Variants in FIGLA observed in about 807,000 individuals in gnomAD.
FIGLA encodes folliculogenesis specific bHLH transcription factor, also known as factor in the germline alpha.
In FIGLA, 17 loss-of-function variants were observed where a neutral mutation model predicts 21.5. The observed-to-expected ratio is 0.79, with a 90% CI of 0.54 to 1.19. The LOEUF is 1.19. Among genes scored for constraint, FIGLA ranks in the 50% most tolerant of loss-of-function variants. FIGLA has a pLI of 0.00. For synonymous variants in FIGLA, 129 were observed against 117.6 expected (o/e 1.10, Z -0.63); for missense variants, 282 against 285.0 (o/e 0.99, Z 0.08).
At chr2:70,778,837 C>G (rs1553388712) in intron 3 of FIGLA, among the ~76,000 whole-genome samples, 1 of 152,172 alleles carries the variant, frequency 6.6e-6, no homozygotes, top group African/African-American at 2.4e-5. Flanking sequence ...AGAAGGCAGG[C>G]ACACTCCAAT....
rs1553388450 is a variant in FIGLA at position 70,777,389 on chromosome 2, CAG to C, written c.645-9_645-8del. On this transcript the variant is annotated splice_polypyrimidine_tract_variant and splice_region_variant and intron_variant, in intron 4 of 4. Coordinates refer to ENST00000332372, the MANE Select transcript of FIGLA (RefSeq NM_001004311.3). The stretch of plus-strand genomic sequence containing the variant: ...TTTTCATACTTGTGGAAGTCTGAAA[CAG>C]AGAAAACATTCCATTATAAATAGTT... 5 of 1,476,160 alleles carry C rather than the reference CAG, an allele frequency of 3.4e-6. No homozygotes were observed. The highest frequency in any genetic ancestry group is 3.6e-6 in the Non-Finnish European group (4 of 1,108,818). 91.4% of individuals were successfully genotyped at this position (1,476,160 alleles called of 1,614,324 possible).
At chr2:70,787,847 A>G (rs782173123) in intron 1 of FIGLA, 46 bp from the exon 2 acceptor site, 3 of 1,589,964 alleles carry the variant, frequency 1.9e-6, no homozygotes, top group South Asian at 1.2e-5. Context: ...GCCAATTTGT[A>G]TAGACATCTC....
chr2:70,778,131 C>T (rs140057675), intron 3 of FIGLA, among the ~76,000 whole-genome samples: 6 of 152,296 alleles, frequency 3.9e-5, no homozygotes, highest in African/African-American at 1.4e-4. Flanking sequence ...ATTTTCTAGT[C>T]CACCCTCCTT....
Position 70,777,371 on chromosome 2 carries a change from A to G in FIGLA, c.656T>C (p.Val219Ala), listed in dbSNP as rs1553388434. The change falls in exon 5 of 5, where the codon GTA (valine) becomes GCA (alanine). Residue 219 changes from valine (V) to alanine (A), a missense_variant. By Grantham distance (64) the Val-to-Ala change is moderately conservative. Coordinates refer to ENST00000332372, the MANE Select transcript of FIGLA (RefSeq NM_001004311.3). The part of the protein sequence containing the change: ...VELLSHRLPQ[V>A] The stretch of plus-strand genomic sequence containing the variant: ...AACCCTGGGCCTTTTCATTTTTCAT[A>G]CTTGTGGAAGTCTGAAACAGAGAAA... 18 of 1,496,848 alleles carry G rather than the reference A, an allele frequency of 1.2e-5. No homozygotes were observed. Among genetic ancestry groups the G allele is most frequent in the East Asian group, 2.5e-5 (1 of 40,586 alleles). The allele number at this position is 1,496,848 out of a possible 1,614,324, so 92.7% of individuals were successfully genotyped here. A position where few individuals can be genotyped will look rare whatever the true frequency, so the allele number is the denominator to read the frequency against.
intron 2 of FIGLA, 92 bp from the exon 3 acceptor site, chr2:70,785,731 G>A: frequency 3.2e-6 from 3 of 952,244 alleles, no homozygotes; most frequent in South Asian, 1.5e-5. Context: ...AACTGATGAG[G>A]TTTCATTTAA....
At chr2:70,788,720 C>T (rs1449926604) in intron 1 of FIGLA, among the ~76,000 whole-genome samples, 2 of 152,118 alleles carry the variant, frequency 1.3e-5, no homozygotes, top group East Asian at 1.9e-4. Context: ...AAATTAGATA[C>T]CATTTTTTAT....
At chr2:70,778,610 A>G (rs959904905) in intron 3 of FIGLA, among the ~76,000 whole-genome samples, 4 of 152,150 alleles carry the variant, frequency 2.6e-5, no homozygotes, top group Non-Finnish European at 4.4e-5. Context: ...ATTTTAGAAC[A>G]TTTATTTTAG....
chr2:70,779,476 G>T (rs1675817974), intron 3 of FIGLA, among the ~76,000 whole-genome samples: 1 of 152,120 alleles, frequency 6.6e-6, no homozygotes. Flanking sequence ...AGGTGCTAAT[G>T]AATTCATCCC....
At chr2:70,785,383 T>C (rs1160544793) in intron 3 of FIGLA, 32 bp downstream of exon 3, 5 of 1,503,342 alleles carry the variant, frequency 3.3e-6, no homozygotes, top group Non-Finnish European at 4.6e-6. Context: ...GGTTCTGATA[T>C]CTGTATGGGT....
intron 3 of FIGLA, among the ~76,000 whole-genome samples, chr2:70,783,554 G>A (rs1392126112): frequency 6.6e-6 from 1 of 152,176 alleles, no homozygotes. Flanking sequence ...GGTGTAGCCA[G>A]GTGGCTCACC....
At chr2:70,785,712 C>G in intron 2 of FIGLA, 73 bp from the exon 3 acceptor site, 1 of 1,175,738 alleles carries the variant, frequency 8.5e-7, no homozygotes, top group Non-Finnish European at 1.3e-6. Context: ...TAATATATTT[C>G]AAAGTTTTAA....
In FIGLA at chr2:70,790,415, C is replaced by T. The variant is rs1553390682; in HGVS notation, c.224G>A (p.Arg75His). 6.5e-7 allele frequency: 1 copy of T among 1,534,670 alleles called. No individual in the cohort carries two copies. The highest frequency in any genetic ancestry group is 1.2e-5 in the South Asian group (1 of 82,500). The change falls in exon 1 of 5, where the codon CGT becomes CAT. Residue 75 changes from arginine (R) to histidine (H), a missense_variant. Coordinates refer to ENST00000332372, the MANE Select transcript of FIGLA (RefSeq NM_001004311.3). ...ERRRVANAKERERIKNLNRGF... is the reference protein window; with the variant it reads ...ERRRVANAKEHERIKNLNRGF... ...ACCCTAGGGATCCCTCACCCGCTCA[C>T]GCTCCTTGGCGTTGGCCACACGCCG...
Position 70,790,608 on chromosome 2 carries a change from G to A in FIGLA, c.31C>T (p.Arg11Cys), listed in dbSNP as rs1558600590. The A allele has an allele frequency of 2.7e-6, 4 of 1,463,976 alleles. No individual in the cohort carries two copies. The highest frequency in any genetic ancestry group is 2.3e-5 in the Admixed American group (1 of 43,006). 90.7% of individuals were successfully genotyped at this position (1,463,976 alleles called of 1,614,324 possible). A position where few individuals can be genotyped will look rare whatever the true frequency, so the allele number is the denominator to read the frequency against. MDPAPGVLDP[R>C]AAPPALLGTP... ...CCCAGGAGCGCGGGCGGCGCGGCGCGGGGATCTAGGACGCCGGGCGCGGGG... is the reference window on the plus strand; with the variant it reads ...CCCAGGAGCGCGGGCGGCGCGGCGCAGGGATCTAGGACGCCGGGCGCGGGG... Residue 11 changes from arginine (R) to cysteine (C), a missense_variant, in exon 1 of 5, where the codon CGC becomes TGC. Coordinates refer to ENST00000332372, the MANE Select transcript of FIGLA (RefSeq NM_001004311.3).
chr2:70,788,983 C>CA (rs1224054385), intron 1 of FIGLA, among the ~76,000 whole-genome samples: 1 of 152,112 alleles, frequency 6.6e-6, no homozygotes, highest in African/African-American at 2.4e-5. Flanking sequence ...TAAAAAGCTA[C>CA]AAACAGCAAA....
At chr2:70,783,442 C>A (rs1283307858) in intron 3 of FIGLA, among the ~76,000 whole-genome samples, 1 of 152,148 alleles carries the variant, frequency 6.6e-6, no homozygotes. Flanking sequence ...AAAACAAGGA[C>A]CTCCCATCAA....
At position 70,790,410 on chromosome 2, in the gene FIGLA, G is replaced by T. The variant is rs1553390681; in HGVS notation, c.229C>A (p.Arg77=). 6.5e-7 allele frequency: 1 copy of T among 1,532,170 alleles called. No individual in the cohort carries two copies. The allele number at this position is 1,532,170 out of a possible 1,614,324, so 94.9% of individuals were successfully genotyped here. ...RRVANAKERE[R]IKNLNRGFAR... Reference sequence around the variant, plus strand: ...CGTCGACCCTAGGGATCCCTCACCCGCTCACGCTCCTTGGCGTTGGCCACA... The same window carrying T: ...CGTCGACCCTAGGGATCCCTCACCCTCTCACGCTCCTTGGCGTTGGCCACA... Residue 77 remains arginine (R), a splice_region_variant and synonymous_variant, in exon 1 of 5, where the codon CGG becomes AGG. Coordinates refer to ENST00000332372, the MANE Select transcript of FIGLA (RefSeq NM_001004311.3).
At chr2:70,780,101 C>T (rs1043855415) in intron 3 of FIGLA, among the ~76,000 whole-genome samples, 18 of 152,162 alleles carry the variant, frequency 1.2e-4, no homozygotes, top group South Asian at 2.1e-4. Flanking sequence ...ATTCATTCCC[C>T]GAGTGAACTT....
At chr2:70,790,056 G>C (rs1676032035) in intron 1 of FIGLA, among the ~76,000 whole-genome samples, 1 of 152,218 alleles carries the variant, frequency 6.6e-6, no homozygotes, top group Non-Finnish European at 1.5e-5. Flanking sequence ...TACGGTGTGA[G>C]ATGAAGGCGC....
chr2:70,777,707 C>A (rs782497821), intron 3 of FIGLA, 36 bp from the exon 4 acceptor site: 24 of 1,101,430 alleles, frequency 2.2e-5, no homozygotes, highest in Non-Finnish European at 2.1e-5. Flanking sequence ...AAGGGCTAAA[C>A]ACATCGGTTA....
Sources: allele counts gnomAD v4.1 joint callset (sites outside exome capture counted in the v4.1 genomes callset), GRCh38; gene constraint gnomAD v4.1.1; transcripts MANE v1.5; gene names NCBI Gene and HGNC (gene_info 2026-07-23, HGNC 2026-07-21).